TPPP2: variants seen among roughly 807,000 people sequenced by gnomAD.
TPPP2 encodes the protein tubulin polymerization-promoting protein family member 2.
In TPPP2, 8 loss-of-function variants were observed where a neutral mutation model predicts 13.0. The observed-to-expected ratio is 0.62, with a 90% CI of 0.36 to 1.11. TPPP2 has a LOEUF of 1.11. TPPP2 is among the 50% of genes most tolerant of loss of function. TPPP2 has a pLI of 0.02. For missense variants in TPPP2, 213 were observed against 216.9 expected (o/e 0.98, Z 0.11); for synonymous variants, 81 against 81.8 (o/e 0.99, Z 0.05).
At chr14:21,028,608 T>G (rs1051958523), upstream of TPPP2, 3 of 152,116 alleles carry the variant, frequency 2.0e-5, no homozygotes, top group African/African-American at 7.2e-5. Context: ...CAAAAAGATT[T>G]AGCAATGAGA....
At chr14:21,028,951 G>A (rs1486246983), upstream of TPPP2, 2 of 152,194 alleles carry the variant, frequency 1.3e-5, no homozygotes, top group African/African-American at 4.8e-5. Flanking sequence ...GATCCGTGAG[G>A]TTCATCTATC....
At chr14:21,024,316 G>C in exon 1 of TPPP2, 1 of 985,272 alleles carries the variant, frequency 1.0e-6, no homozygotes, top group Non-Finnish European at 1.2e-6. Context: ...CAGGCTGCGC[G>C]GAGGAGAGAA....
chr14:21,036,336 A>AG (rs1346919923), downstream of TPPP2: 1 of 443,026 alleles, frequency 2.3e-6, no homozygotes, highest in East Asian at 7.0e-5. Context: ...CTCATAGGGT[A>AG]GGGGTGCCCA....
chr14:21,031,521 A>C (rs1884142419), intron 3 of TPPP2, among the ~76,000 whole-genome samples: 1 of 152,080 alleles, frequency 6.6e-6, no homozygotes, highest in African/African-American at 2.4e-5. Context: ...CCTGCCTCTC[A>C]CCTACTCCCT....
At chr14:21,032,920 A>G (rs1050579475), downstream of TPPP2, 20 of 455,674 alleles carry the variant, frequency 4.4e-5, no homozygotes, top group East Asian at 3.5e-4. Flanking sequence ...GTTTCCCCCA[A>G]TGGTTACATC....
upstream of TPPP2, chr14:21,025,797 C>T: frequency 4.2e-6 from 2 of 473,648 alleles, no homozygotes; most frequent in South Asian, 1.9e-4. The surrounding 1 kb of genome is among the most constrained non-coding windows in gnomAD (Gnocchi z 5.1). Flanking sequence ...AGGGCGATCG[C>T]GGGCAGGCGG....
At chr14:21,034,182 C>A, downstream of TPPP2, 6 of 1,614,064 alleles carry the variant, frequency 3.7e-6, no homozygotes, top group Non-Finnish European at 5.1e-6. Flanking sequence ...ATAGTCAATG[C>A]TTAAGGTATA....
At chr14:21,036,100 C>G (rs1406412505), downstream of TPPP2, 1 of 432,536 alleles carries the variant, frequency 2.3e-6, no homozygotes, top group African/African-American at 2.0e-5. Context: ...ATGGTGAGTC[C>G]TCAGTATGAG....
downstream of TPPP2, chr14:21,034,196 G>T: frequency 6.2e-7 from 1 of 1,614,094 alleles, no homozygotes. Context: ...AGGTATAGAA[G>T]TTCCTGCTGC....
intron 1 of TPPP2, chr14:21,024,383 C>T: frequency 1.1e-6 from 1 of 919,128 alleles, no homozygotes. Flanking sequence ...GGATTCGAAT[C>T]CCGGCTCTGC....
downstream of TPPP2, chr14:21,033,838 C>A: frequency 6.2e-7 from 1 of 1,612,122 alleles, no homozygotes; most frequent in Non-Finnish European, 8.5e-7. Context: ...GAATAGAGAC[C>A]AGCGATACCT....
rs1566478094 is a variant in TPPP2 at position 21,025,111 on chromosome 14, C to T, written n.236+767C>T. ...CTCGGGCTTCCCGCAGACCCGCCCCCGGCCCGCCCCAGCCCGCCCACGGGC... is the reference window on the plus strand; with the variant it reads ...CTCGGGCTTCCCGCAGACCCGCCCCTGGCCCGCCCCAGCCCGCCCACGGGC... On this transcript the variant is annotated intron_variant and non_coding_transcript_variant, in intron 1 of 1. Transcript: ENST00000533755. This position sits in a 1 kb window ranked among gnomAD's most constrained non-coding sequence, Gnocchi z 5.1. The T allele has an allele frequency of 1.3e-5, 13 of 983,738 alleles. No individual in the cohort carries two copies. Among genetic ancestry groups the T allele is most frequent in the Non-Finnish European group, 1.6e-5 (13 of 828,680 alleles). 60.9% of individuals were successfully genotyped at this position (983,738 alleles called of 1,614,324 possible).
upstream of TPPP2, among the ~76,000 whole-genome samples, chr14:21,026,152 G>GCACACA (rs147701833): frequency 1.3e-5 from 2 of 149,614 alleles, no homozygotes; most frequent in South Asian, 2.1e-4. Context: ...ACACGCACAC[G>GCACACA]CACACACACA....
chr14:21,024,713 G>C (rs1882823680), intron 1 of TPPP2: 1 of 985,342 alleles, frequency 1.0e-6, no homozygotes, highest in African/African-American at 1.7e-5. Flanking sequence ...GGATGGGTAG[G>C]ACAGAGGAGA....
chr14:21,030,735 A>C lies in TPPP2; in HGVS notation c.154A>C (p.Ile52Leu). The part of the protein sequence containing the change: ...GKTVTSTDVD[I>L]VFSKVKAKNA... ...GACAGTCACCTCCACGGACGTGGAC[A>C]TCGTGTTCAGCAAAGTCAAGTGAGG... Residue 52 changes from isoleucine (I) to leucine (L), a missense_variant, in exon 2 of 4, where the codon ATC (isoleucine) becomes CTC (leucine). Transcript: ENST00000321760. 1 of 1,614,104 alleles carries C rather than the reference A, an allele frequency of 6.2e-7. No homozygotes were observed.
chr14:21,032,992 G>T (rs3748347), downstream of TPPP2: 15,687 of 455,826 alleles, frequency 0.034, 644 homozygotes, highest in East Asian at 0.12. Flanking sequence ...TGCCTCATTC[G>T]CTGCCTGGTC....
upstream of TPPP2, among the ~76,000 whole-genome samples, chr14:21,029,524 G>A (rs1393495966): frequency 6.6e-6 from 1 of 152,136 alleles, no homozygotes; most frequent in African/African-American, 2.4e-5. Flanking sequence ...TTGAATCCTG[G>A]GACTGGAGGT....
At chr14:21,025,677 C>T (rs1055766283), upstream of TPPP2, 24 of 985,322 alleles carry the variant, frequency 2.4e-5, no homozygotes, top group Admixed American at 6.1e-5. The surrounding 1 kb of genome is among the most constrained non-coding windows in gnomAD (Gnocchi z 5.1). Flanking sequence ...GTCCTGGTAC[C>T]TCTCCTCTCT....
upstream of TPPP2, chr14:21,025,375 G>A (rs1038500863): frequency 7.1e-6 from 7 of 985,554 alleles, no homozygotes; most frequent in Non-Finnish European, 6.0e-6. The surrounding 1 kb of genome is among the most constrained non-coding windows in gnomAD (Gnocchi z 5.1). Flanking sequence ...GCTGCCCTCA[G>A]CACCGCCCCA....
Sources: allele counts gnomAD v4.1 joint callset (sites outside exome capture counted in the v4.1 genomes callset), GRCh38; gene constraint gnomAD v4.1.1; non-coding constraint Gnocchi (gnomAD v3.1); transcripts MANE v1.5; gene names NCBI Gene and HGNC (gene_info 2026-07-23, HGNC 2026-07-21).